Variants in SNRPG observed in about 807,000 individuals in gnomAD.
The protein encoded by SNRPG is small nuclear ribonucleoprotein G.
In SNRPG, 3 loss-of-function variants were observed where a neutral mutation model predicts 13.9. The ratio of observed to expected loss-of-function variants is 0.22; its 90% CI spans 0.10 to 0.56. The LOEUF is 0.56. Among genes scored for constraint, SNRPG ranks in the 20% least tolerant of loss-of-function variants. The pLI is 0.93. For synonymous variants in SNRPG, 29 were observed against 29.3 expected (o/e 0.99, Z 0.03); for missense variants, 34 against 96.1 (o/e 0.35, Z 2.70).
intron 1 of SNRPG, among the ~76,000 whole-genome samples, chr2:70,290,823 T>TAAAAAAAAAAAAAA (rs57720967): frequency 4.0e-5 from 1 of 25,262 alleles, no homozygotes; most frequent in African/African-American, 1.9e-4. Context: ...CCGTCTCTAC[T>TAAAAAAAAAAAAAA]AAAAAAAAAA....
At position 70,292,041 on chromosome 2, in the gene SNRPG, G is replaced by A. The variant is rs528328245; in HGVS notation, c.32+1577C>T. On this transcript the variant is annotated intron_variant, in intron 1 of 3. Transcript: ENST00000272348. ...CGGCTCACTGCAAGCTCCGCCTCCC[G>A]GGTTCACGCCATTCTCCTGCCTCAG... is the stretch of plus-strand genomic sequence containing the variant. 7.4e-5 allele frequency among the ~76,000 whole-genome samples: 11 copies of A among 148,222 alleles called. No homozygotes were observed. In the South Asian group the frequency reaches 2.1e-3, roughly 29 times the overall value.
At chr2:70,293,362 G>A in intron 1 of SNRPG, 2 of 631,730 alleles carry the variant, frequency 3.2e-6, no homozygotes, top group Non-Finnish European at 5.7e-6. Context: ...GGTGACCAGG[G>A]GCCAGACCGC....
At chr2:70,293,368 A>C (rs1697153744) in intron 1 of SNRPG, 2 of 629,064 alleles carry the variant, frequency 3.2e-6, no homozygotes, top group Non-Finnish European at 5.7e-6. Flanking sequence ...CAGGGGCCAG[A>C]CCGCGGGACC....
intron 1 of SNRPG, among the ~76,000 whole-genome samples, chr2:70,290,746 G>A (rs557412419): frequency 5.4e-4 from 75 of 139,556 alleles, no homozygotes; most frequent in East Asian, 4.1e-3. Context: ...AGCACTTTGG[G>A]AGGCCAAGGC....
intron 3 of SNRPG, 153 bp downstream of exon 3, chr2:70,287,915 C>T (rs1696982706): frequency 1.6e-6 from 1 of 644,304 alleles, no homozygotes; most frequent in Non-Finnish European, 2.7e-6. Context: ...GATATTACTA[C>T]AGCTGAGTAA....
intron 3 of SNRPG, among the ~76,000 whole-genome samples, chr2:70,283,929 A>G (rs6742608): frequency 0.061 from 9,329 of 152,174 alleles, 363 homozygotes; most frequent in East Asian, 0.18. Context: ...GTGGTGGTGC[A>G]CACCTGTGGT....
chr2:70,282,918 A>AC (rs1040573389), intron 3 of SNRPG, among the ~76,000 whole-genome samples: 1 of 151,286 alleles, frequency 6.6e-6, no homozygotes, highest in Non-Finnish European at 1.5e-5. Flanking sequence ...ACATGGAGAA[A>AC]CCCCCATCTC....
intron 3 of SNRPG, among the ~76,000 whole-genome samples, chr2:70,286,742 A>G (rs909228323): frequency 3.3e-5 from 5 of 152,236 alleles, no homozygotes; most frequent in Non-Finnish European, 5.9e-5. Context: ...TCCAATGAGC[A>G]GTGTGTTACA....
At chr2:70,286,516 C>CTT (rs141290240) in intron 3 of SNRPG, among the ~76,000 whole-genome samples, 6 of 150,358 alleles carry the variant, frequency 4.0e-5, no homozygotes, top group African/African-American at 1.5e-4. Flanking sequence ...CTGATAAAAA[C>CTT]TTTTTTTTTT....
intron 3 of SNRPG, 106 bp downstream of exon 3, chr2:70,287,962 A>T (rs1379727839): frequency 9.7e-7 from 1 of 1,032,994 alleles, no homozygotes; most frequent in Non-Finnish European, 1.5e-6. Context: ...GGAAAGTCTA[A>T]TCTTGCCTGT....
rs187703783 is a variant in SNRPG, at chr2:70,292,887, T to C, written c.32+731A>G. ...CCTGTTAAGTCCACTCAAAAAGTAT[T>C]TGAGGAATTCAAAGCTTTACGTTGA... On this transcript the variant is annotated intron_variant, in intron 1 of 3. Transcript: ENST00000272348. 514 of 485,764 alleles carry C rather than the reference T, an allele frequency of 1.1e-3. 5 individuals are homozygous for C. The highest frequency in any genetic ancestry group is 4.8e-3 in the South Asian group (156 of 32,374). The allele number at this position is 485,764 out of a possible 1,614,324, so 30.1% of individuals were successfully genotyped here. A position where few individuals can be genotyped will look rare whatever the true frequency, so the allele number is the denominator to read the frequency against.
intron 3 of SNRPG, among the ~76,000 whole-genome samples, chr2:70,285,209 C>T (rs1024082702): frequency 2.0e-5 from 3 of 152,132 alleles, no homozygotes; most frequent in African/African-American, 7.2e-5. Context: ...GAAAAAGAAT[C>T]ATATGTTGAG....
chr2:70,287,503 T>C, intron 3 of SNRPG: 1 of 557,720 alleles, frequency 1.8e-6, no homozygotes, highest in Non-Finnish European at 3.2e-6. Flanking sequence ...TTTTTCCTGC[T>C]TTTTCTCTCA....
chr2:70,289,243 G>A (rs540736234), intron 2 of SNRPG, 107 bp downstream of exon 2: 6 of 652,828 alleles, frequency 9.2e-6, no homozygotes, highest in African/African-American at 7.5e-5. Context: ...GTGAGCCATC[G>A]CGCCTGGCTG....
intron 3 of SNRPG, among the ~76,000 whole-genome samples, chr2:70,282,175 C>G (rs753844121): frequency 1.3e-5 from 2 of 152,164 alleles, no homozygotes; most frequent in Non-Finnish European, 2.9e-5. Context: ...CTCAGCCTCA[C>G]AAAGTGCTGG....
rs768586959 is a variant in SNRPG, at chr2:70,288,083, G to A, written c.165C>T (p.Asn55=). 9.9e-6 allele frequency: 16 copies of A among 1,611,492 alleles called. No individual in the cohort carries two copies. In the South Asian group the frequency reaches 1.5e-4, roughly 15 times the overall value. ...CTTTACTTACCACCATTCCAATATT[G>A]TTCTGTTGTCCACTAGTCGCCATCT... ...CVEMATSGQQ[N]NIGMVVIRGN... The change falls in exon 3 of 4, where the codon AAC becomes AAT. Residue 55 remains asparagine (N), a synonymous_variant. Coordinates refer to ENST00000272348, the MANE Select transcript of SNRPG (RefSeq NM_003096.4).
intron 3 of SNRPG, among the ~76,000 whole-genome samples, chr2:70,283,618 CAATAACCTGGTA>C (rs1174585729): frequency 6.6e-6 from 1 of 152,050 alleles, no homozygotes; most frequent in Non-Finnish European, 1.5e-5. Flanking sequence ...ACAGAGGGCT[CAATAACCTGGTA>C]AATATGAATA....
chr2:70,287,991 G>T, intron 3 of SNRPG, 77 bp downstream of exon 3: 4 of 1,385,802 alleles, frequency 2.9e-6, no homozygotes, highest in East Asian at 2.3e-5. Flanking sequence ...ATTTCTGGGG[G>T]TTACTAACCA....
At chr2:70,284,656 T>A (rs1281775164) in intron 3 of SNRPG, among the ~76,000 whole-genome samples, 1 of 152,208 alleles carries the variant, frequency 6.6e-6, no homozygotes, top group Non-Finnish European at 1.5e-5. Flanking sequence ...AGTGCTGGGA[T>A]TACAGGTGTG....
Sources: gnomAD v4.1 joint callset for allele counts (sites outside exome capture counted in the v4.1 genomes callset) on GRCh38, gnomAD v4.1.1 for gene constraint, MANE v1.5 for transcripts, NCBI Gene and HGNC (gene_info 2026-07-23, HGNC 2026-07-21) for gene names.